The following STAG1 variants were observed in gnomAD, a reference collection of about 807,000 sequenced individuals.
STAG1 encodes cohesin subunit SA-1.
A neutral mutation model predicts 170.9 loss-of-function variants in STAG1; 26 were observed. The ratio of observed to expected loss-of-function variants is 0.15; its 90% confidence interval spans 0.11 to 0.21. STAG1 has a LOEUF of 0.21. Ranked by LOEUF, STAG1 falls within the 10% of genes least tolerant of loss-of-function variation. The pLI, the probability that STAG1 is intolerant of heterozygous loss-of-function variation, is 1.00. For missense variants in STAG1, 964 were observed against 1,509.5 expected, an observed-to-expected ratio of 0.64 and a Z score of 5.99; for synonymous variants, 514 against 497.7, an observed-to-expected ratio of 1.03 and a Z score of -0.44.
intron 1 of STAG1, among the ~76,000 whole-genome samples, chr3:136,666,505 A>G (rs1048397942): frequency 6.6e-6 from 1 of 152,206 alleles, no homozygotes; most frequent in Admixed American, 6.5e-5. Context: ...GTAACTTGCT[A>G]AAGATCACAT....
intron 1 of STAG1, among the ~76,000 whole-genome samples, chr3:136,660,715 TC>T (rs965183077): frequency 6.6e-6 from 1 of 152,024 alleles, no homozygotes; most frequent in African/African-American, 2.4e-5. Flanking sequence ...ACACCTGTAA[TC>T]CCAGCACTTT....
intron 7 of STAG1, among the ~76,000 whole-genome samples, chr3:136,509,940 T>C (rs1009612261): frequency 5.3e-5 from 8 of 152,274 alleles, no homozygotes; most frequent in African/African-American, 9.6e-5. Context: ...GAGAGGTGAT[T>C]ATAGTACTTT....
In STAG1 at chr3:136,521,256, T is replaced by A. The variant is rs945622930; in HGVS notation, c.633A>T (p.Ser211=). Residue 211 remains serine, a synonymous_variant, in exon 7 of 34, where the codon TCA becomes TCT. Coordinates refer to ENST00000383202, the MANE Select transcript of STAG1 (RefSeq NM_005862.3). ...DTVISLLTGL[S]DSQVRAFRHT... ...GCCTAAAAGCTCTGACCTGGGAGTCTGACAAACCCGTCAAAAGGGAGATTA... is the reference window on the plus strand; with the variant it reads ...GCCTAAAAGCTCTGACCTGGGAGTCAGACAAACCCGTCAAAAGGGAGATTA... 123 of 1,613,682 alleles carry A rather than the reference T, an allele frequency of 7.6e-5. No individual in the cohort carries two copies. The highest frequency in any genetic ancestry group is 1.0e-4 in the Non-Finnish European group (121 of 1,179,812).
At chr3:136,499,824 GT>G (rs71662622) in intron 9 of STAG1, 227 of 145,326 alleles carry the variant, frequency 1.6e-3, no homozygotes, top group East Asian at 3.6e-3. Flanking sequence ...CTTCACACAG[GT>G]TTTTTTTTTT....
chr3:136,469,790 TA>T (rs1326841177), intron 12 of STAG1, among the ~76,000 whole-genome samples: 1 of 151,942 alleles, frequency 6.6e-6, no homozygotes, highest in Non-Finnish European at 1.5e-5. Context: ...AACAGAGATA[TA>T]GACCAATGGA....
At chr3:136,685,877 AACAAAC>A (rs1403181848) in intron 1 of STAG1, among the ~76,000 whole-genome samples, 1 of 151,970 alleles carries the variant, frequency 6.6e-6, no homozygotes, top group Non-Finnish European at 1.5e-5. Context: ...TGCAACTTGG[AACAAAC>A]ACAAAGACTG....
chr3:136,558,067 A>G (rs1936696019), intron 5 of STAG1, among the ~76,000 whole-genome samples: 1 of 152,286 alleles, frequency 6.6e-6, no homozygotes, highest in South Asian at 2.1e-4. Context: ...GCTGCAATAT[A>G]CATAACAAAG....
rs1205209467 is a variant in STAG1 at position 136,417,991 on chromosome 3, C to T, written c.2109-19G>A. ...ATGTGCACTGAAATAAACAAAAATG[C>T]ATCTGTTTTATTCTAGAATGGAAGG... On this transcript the variant is annotated intron_variant, in intron 20 of 33. Coordinates refer to ENST00000383202, the MANE Select transcript of STAG1 (RefSeq NM_005862.3). 2.6e-6 allele frequency: 4 copies of T among 1,562,958 alleles called. No individual in the cohort carries two copies. Among genetic ancestry groups the T allele is most frequent in the Admixed American group, 1.7e-5 (1 of 59,734 alleles).
chr3:136,370,826 T>C (rs1265745552), intron 23 of STAG1, among the ~76,000 whole-genome samples: 1 of 152,236 alleles, frequency 6.6e-6, no homozygotes, highest in Non-Finnish European at 1.5e-5. Flanking sequence ...AACATACGTG[T>C]GCGTGTGTCT....
chr3:136,342,714 T>C (rs1403296834), intron 30 of STAG1, among the ~76,000 whole-genome samples: 2 of 152,220 alleles, frequency 1.3e-5, no homozygotes, highest in Non-Finnish European at 1.5e-5. Context: ...TGTCTCTAAG[T>C]AGCTGTCTTT....
chr3:136,447,038 A>AG (rs35970423), intron 14 of STAG1, among the ~76,000 whole-genome samples: 1,721 of 151,486 alleles, frequency 0.011, 24 homozygotes, highest in African/African-American at 0.04. Flanking sequence ...TCCTGACCTC[A>AG]GGTAATCCAC....
intron 6 of STAG1, among the ~76,000 whole-genome samples, chr3:136,540,557 C>T (rs1935840706): frequency 6.6e-6 from 1 of 151,906 alleles, no homozygotes; most frequent in African/African-American, 2.4e-5. Context: ...CATGGTGGCT[C>T]ATGTCTGTAA....
chr3:136,603,306 A>T (rs1472016381), intron 4 of STAG1, among the ~76,000 whole-genome samples: 1 of 151,954 alleles, frequency 6.6e-6, no homozygotes, highest in Non-Finnish European at 1.5e-5. Context: ...ATTCTCCTGT[A>T]CACTTCTCGT....
chr3:136,496,838 A>G (rs1406778628), intron 9 of STAG1, among the ~76,000 whole-genome samples: 2 of 152,130 alleles, frequency 1.3e-5, no homozygotes, highest in South Asian at 2.1e-4. Context: ...TCAATATAAA[A>G]TAAGATAAAA....
At chr3:136,675,522 C>T (rs1030612552) in intron 1 of STAG1, among the ~76,000 whole-genome samples, 2 of 152,072 alleles carry the variant, frequency 1.3e-5, no homozygotes, top group Non-Finnish European at 2.9e-5. Flanking sequence ...ACTGATAGAA[C>T]CACTGTTATC....
At chr3:136,468,469 T>A (rs2089532701) in intron 12 of STAG1, among the ~76,000 whole-genome samples, 1 of 152,046 alleles carries the variant, frequency 6.6e-6, no homozygotes, top group Non-Finnish European at 1.5e-5. Context: ...AGAAGCTGAA[T>A]CCCTGAATAG....
Position 136,501,392 on chromosome 3 carries a change from A to G in STAG1, c.829-1096T>C, listed in dbSNP as rs532825312. 3.4e-4 allele frequency among the ~76,000 whole-genome samples: 52 copies of G among 152,348 alleles called. 1 individual carries two copies. The South Asian group carries it at 0.01, about 30-fold the overall frequency. ...AGGACTGTGGCAGATTTAATTCATT[A>G]AGATGCAGCCATACTGGAGTAGGGG... On this transcript the variant is annotated intron_variant, in intron 8 of 33. Coordinates refer to ENST00000383202, the MANE Select transcript of STAG1 (RefSeq NM_005862.3).
intron 4 of STAG1, among the ~76,000 whole-genome samples, chr3:136,569,488 T>G (rs1937195677): frequency 6.6e-6 from 1 of 151,676 alleles, no homozygotes; most frequent in African/African-American, 2.4e-5. Flanking sequence ...TAAAATATAT[T>G]TGTTGTTGAA....
intron 20 of STAG1, among the ~76,000 whole-genome samples, chr3:136,419,256 T>C (rs911640494): frequency 2.6e-5 from 4 of 152,164 alleles, no homozygotes; most frequent in Non-Finnish European, 5.9e-5. Context: ...TAAAAAAAAT[T>C]TACTTGTATA....
Sources: allele counts gnomAD v4.1 joint callset (sites outside exome capture counted in the v4.1 genomes callset), GRCh38; gene constraint gnomAD v4.1.1; transcripts MANE v1.5; gene names NCBI Gene and HGNC (gene_info 2026-07-23, HGNC 2026-07-21).